ROGDI: variants seen among roughly 807,000 people sequenced by gnomAD.
ROGDI encodes protein rogdi homolog.
A neutral mutation model predicts 43.1 loss-of-function variants in ROGDI; 46 were observed. That is an observed-to-expected ratio of 1.07 (90% CI 0.84 to 1.37). ROGDI has a LOEUF of 1.37. ROGDI is among the 40% of genes most tolerant of loss of function. The probability of loss-of-function intolerance (pLI) is 0.00; values close to 1 mark genes in which losing one functional copy is unlikely to be tolerated. For missense variants in ROGDI, 518 were observed against 383.9 expected (o/e 1.35, Z -2.92); for synonymous variants, 243 against 162.0 (o/e 1.50, Z -3.80).
At chr16:4,798,016 G>A in intron 8 of ROGDI, 29 bp from the exon 9 acceptor site, 1 of 1,613,534 alleles carries the variant, frequency 6.2e-7, no homozygotes, top group South Asian at 1.1e-5. Flanking sequence ...GACCCGTCAG[G>A]CCTTGCAGGG....
At chr16:4,800,789 G>A in intron 4 of ROGDI, 2 of 586,542 alleles carry the variant, frequency 3.4e-6, no homozygotes, top group East Asian at 2.9e-5. Flanking sequence ...GAGCCACAAA[G>A]AAGTGAAATG....
At position 4,800,672 on chromosome 16, in the gene ROGDI, G is replaced by A. The variant is rs147294587; in HGVS notation, c.256-94C>T. 57 of 1,074,912 alleles carry A rather than the reference G, an allele frequency of 5.3e-5. No individual in the cohort carries two copies. In the East Asian group the frequency reaches 1.4e-3, roughly 26 times the overall value. 66.6% of individuals were successfully genotyped at this position (1,074,912 alleles called of 1,614,324 possible). On this transcript the variant is annotated intron_variant, in intron 4 of 10. Coordinates refer to ENST00000322048, the MANE Select transcript of ROGDI (RefSeq NM_024589.3). ...TAAGCCCAGGGCAGAAATGGGGTGT[G>A]TGGTGGTTCAGGCCTTGGCCGCTGT...
At position 4,799,698 on chromosome 16, in the gene ROGDI, A is replaced by G. The variant is rs1464249475; in HGVS notation, c.420T>C (p.Ala140=). The change falls in exon 6 of 11, where the codon GCT becomes GCC. Residue 140 remains alanine (A), a synonymous_variant. Coordinates refer to ENST00000322048, the MANE Select transcript of ROGDI (RefSeq NM_024589.3). ...GGGGGCAGCTCACCTTGAGGACCTC[A>G]GCGCCCGTCTTGAACTGGTAGCTCT... The part of the protein sequence containing the change: ...RDQSYQFKTG[A]EVLKLMDAVM... 2.2e-5 allele frequency: 36 copies of G among 1,612,960 alleles called. No individual in the cohort carries two copies. In the Admixed American group the frequency reaches 5.8e-4, roughly 26 times the overall value.
chr16:4,800,749 G>A (rs977330702), intron 4 of ROGDI, 171 bp from the exon 5 acceptor site: 4 of 596,628 alleles, frequency 6.7e-6, no homozygotes, highest in African/African-American at 5.6e-5. Context: ...TGAACAGGGA[G>A]GTCAGGAAAC....
rs144082939 is a variant in ROGDI at position 4,799,419 on chromosome 16, C to T, written c.432+267G>A. Among the ~76,000 whole-genome samples, 700 of 152,196 alleles carry T rather than the reference C, an allele frequency of 4.6e-3. 7 individuals carry two copies. Among genetic ancestry groups the T allele is most frequent in the African/African-American group, 0.016 (666 of 41,516 alleles). On this transcript the variant is annotated intron_variant, in intron 6 of 10. Coordinates refer to ENST00000322048, the MANE Select transcript of ROGDI (RefSeq NM_024589.3). ...CCAGGTCAGCTCTTCACATGTGCCA[C>T]GCGGTTAATGTGAAGGCTTTCACTG...
chr16:4,799,922 G>A, intron 5 of ROGDI, 141 bp from the exon 6 acceptor site: 2 of 635,204 alleles, frequency 3.1e-6, no homozygotes, highest in Non-Finnish European at 2.8e-6. Flanking sequence ...TCCACGCCAG[G>A]TGATGGGCAT....
chr16:4,800,560 G>T lies in ROGDI; in HGVS notation c.274C>A (p.Pro92Thr), dbSNP rs143620755. The change falls in exon 5 of 11, where the codon CCC (proline) becomes ACC (threonine). Residue 92 changes from proline (P) to threonine (T), a missense_variant. By Grantham distance (38) the Pro-to-Thr change is conservative. Transcript: ENST00000322048. ...AAGTGCAGCAGCTGGTTGTTCCGGG[G>T]CATCTTCAGGTTCACATCCTGACAG... ...LSQADVNLKM[P>T]RNNQLLHFAF... is the part of the protein sequence containing the mutation. The T allele has an allele frequency of 3.6e-5, 56 of 1,568,080 alleles. No homozygotes were observed. Among genetic ancestry groups the T allele is most frequent in the Non-Finnish European group, 4.6e-5 (53 of 1,155,852 alleles).
Position 4,801,148 on chromosome 16 carries a change from T to A in ROGDI, c.255+119A>T. 3 of 768,378 alleles carry A rather than the reference T, an allele frequency of 3.9e-6. No individual in the cohort carries two copies. The South Asian group carries it at 6.3e-5, about 16-fold the overall frequency. The allele number at this position is 768,378 out of a possible 1,614,324, so 47.6% of individuals were successfully genotyped here. A position where few individuals can be genotyped will look rare whatever the true frequency, so the allele number is the denominator to read the frequency against. On this transcript the variant is annotated intron_variant, in intron 4 of 10. Coordinates refer to ENST00000322048, the MANE Select transcript of ROGDI (RefSeq NM_024589.3). ...GCTGTCATTTTCCAAAGGAGAAAACTGAGGCCAGAGAGATCAAGGGTCCCG... is the reference window on the plus strand; with the variant it reads ...GCTGTCATTTTCCAAAGGAGAAAACAGAGGCCAGAGAGATCAAGGGTCCCG...
Position 4,801,869 on chromosome 16 carries a change from G to C in ROGDI, c.118-284C>G, listed in dbSNP as rs544440483. 1.7e-5 allele frequency: 10 copies of C among 577,836 alleles called. No individual in the cohort carries two copies. In the South Asian group the frequency reaches 1.8e-4, roughly 10 times the overall value. The allele number at this position is 577,836 out of a possible 1,614,324, so 35.8% of individuals were successfully genotyped here. A position where few individuals can be genotyped will look rare whatever the true frequency, so the allele number is the denominator to read the frequency against. ...CCTCCCAGCTTGGTTGAGGGGGAAA[G>C]GGGCAAGGGGCAGAGTCAGGGAACA... On this transcript the variant is annotated intron_variant, in intron 2 of 10. Transcript: ENST00000322048.
chr16:4,800,921 C>G (rs957310871), intron 4 of ROGDI: 1 of 502,498 alleles, frequency 2.0e-6, no homozygotes, highest in African/African-American at 1.9e-5. Flanking sequence ...GGGCCTCCCC[C>G]CACGCCTTGG....
rs2082748733 is a variant in ROGDI at position 4,802,602 on chromosome 16, A to G, written c.-31T>C. On this transcript the variant is annotated 5_prime_UTR_variant, in exon 1 of 11. Coordinates refer to ENST00000322048, the MANE Select transcript of ROGDI (RefSeq NM_024589.3). ...CAGGCCGCCGCCGAGCGCCCTCCCC[A>G]CCGGCCGCTGCTCCTGTCCACCAAT... 1 of 1,295,754 alleles carries G rather than the reference A, an allele frequency of 7.7e-7. No homozygotes were observed. Among genetic ancestry groups the G allele is most frequent in the Non-Finnish European group, 9.8e-7 (1 of 1,019,234 alleles). The allele number at this position is 1,295,754 out of a possible 1,614,324, so 80.3% of individuals were successfully genotyped here.
chr16:4,801,695 G>C (rs1296055812), intron 2 of ROGDI, 110 bp from the exon 3 acceptor site: 1 of 1,062,444 alleles, frequency 9.4e-7, no homozygotes, highest in Non-Finnish European at 1.4e-6. Context: ...GGAACAACGT[G>C]GCCTGGCCTC....
chr16:4,797,484 G>C lies in ROGDI; in HGVS notation c.840C>G (p.Ser280Arg). The C allele has an allele frequency of 6.2e-7, 1 of 1,613,538 alleles. No individual in the cohort carries two copies. The highest frequency in any genetic ancestry group is 1.1e-5 in the South Asian group (1 of 91,040). Residue 280 changes from serine to arginine, a missense_variant, in exon 11 of 11, where the codon AGC becomes AGG. Ser to Arg is a moderately radical substitution (Grantham distance 110). Transcript: ENST00000322048. ...ATCAGAAGGGTCTGTAGCTCCAGTA[G>C]CTGGAGAACACGGAGATCTGCAAGG... ...QLKDKISVFS[S>R]YWSYRPF
At chr16:4,800,323 G>A (rs1409803155) in intron 5 of ROGDI, among the ~76,000 whole-genome samples, 175 bp downstream of exon 5, 2 of 152,188 alleles carry the variant, frequency 1.3e-5, no homozygotes, top group African/African-American at 2.4e-5. Context: ...CCCACATGGC[G>A]CAGCCTCCAG....
chr16:4,798,983 A>T (rs1298147818), intron 6 of ROGDI, among the ~76,000 whole-genome samples: 1 of 152,128 alleles, frequency 6.6e-6, no homozygotes, highest in Non-Finnish European at 1.5e-5. Flanking sequence ...GGGTACAGGC[A>T]ACAAAGGTTG....
At chr16:4,802,116 C>G (rs1225118911) in intron 2 of ROGDI, 1 of 648,700 alleles carries the variant, frequency 1.5e-6, no homozygotes, top group Admixed American at 2.1e-5. Context: ...AGATTGGATG[C>G]CGCTGCTCCC....
At position 4,797,490 on chromosome 16, in the gene ROGDI, G is replaced by C. The variant is rs773530281; in HGVS notation, c.834C>G (p.Phe278Leu). The change falls in exon 11 of 11, where the codon TTC becomes TTG. Residue 278 changes from phenylalanine to leucine, a missense_variant. Coordinates refer to ENST00000322048, the MANE Select transcript of ROGDI (RefSeq NM_024589.3). Reference protein sequence around the residue: ...CQQLKDKISVFSSYWSYRPF With the variant: ...CQQLKDKISVLSSYWSYRPF ...AGGGTCTGTAGCTCCAGTAGCTGGAGAACACGGAGATCTGCAAGGGGAGAG... is the reference window on the plus strand; with the variant it reads ...AGGGTCTGTAGCTCCAGTAGCTGGACAACACGGAGATCTGCAAGGGGAGAG... The C allele has an allele frequency of 1.9e-6, 3 of 1,613,472 alleles. No individual in the cohort carries two copies. The highest frequency in any genetic ancestry group is 1.7e-6 in the Non-Finnish European group (2 of 1,179,630).
intron 7 of ROGDI, 33 bp downstream of exon 7, chr16:4,798,536 T>G: frequency 6.7e-7 from 1 of 1,495,864 alleles, no homozygotes. Flanking sequence ...GTGGGACCCC[T>G]CTCCTGCAGC....
chr16:4,802,589 G>C lies in ROGDI; in HGVS notation c.-18C>G, dbSNP rs377612573. The C allele has an allele frequency of 6.2e-5, 82 of 1,313,398 alleles. No individual in the cohort carries two copies. Among genetic ancestry groups the C allele is most frequent in the Admixed American group, 8.4e-5 (3 of 35,814 alleles). 81.4% of individuals were successfully genotyped at this position (1,313,398 alleles called of 1,614,324 possible). ...GTGGCCATGGCCGCAGGCCGCCGCCGAGCGCCCTCCCCACCGGCCGCTGCT... is the reference window on the plus strand; with the variant it reads ...GTGGCCATGGCCGCAGGCCGCCGCCCAGCGCCCTCCCCACCGGCCGCTGCT... On this transcript the variant is annotated 5_prime_UTR_variant, in exon 1 of 11. Coordinates refer to ENST00000322048, the MANE Select transcript of ROGDI (RefSeq NM_024589.3).
Sources: gnomAD v4.1 joint callset for allele counts (sites outside exome capture counted in the v4.1 genomes callset) on GRCh38, gnomAD v4.1.1 for gene constraint, MANE v1.5 for transcripts, NCBI Gene and HGNC (gene_info 2026-07-23, HGNC 2026-07-21) for gene names.